Variants in TRPS1 observed in about 807,000 individuals in gnomAD.
TRPS1 encodes the protein transcriptional repressor GATA binding 1.
In TRPS1, 6 loss-of-function variants were observed where a neutral mutation model predicts 101.2. The observed-to-expected ratio is 0.06, with a 90% CI of 0.03 to 0.12. TRPS1 has a LOEUF of 0.12. Among genes scored for constraint, TRPS1 ranks in the 10% least tolerant of loss-of-function variants. The pLI is 1.00. For synonymous variants in TRPS1, 578 were observed against 589.8 expected (o/e 0.98, Z 0.29); for missense variants, 1,363 against 1,567.0 (o/e 0.87, Z 2.20).
intron 5 of TRPS1, among the ~76,000 whole-genome samples, chr8:115,475,013 G>A (rs972185495): frequency 1.3e-5 from 2 of 151,894 alleles, no homozygotes; most frequent in Non-Finnish European, 2.9e-5. Context: ...AATATGGAAA[G>A]CTAAGGATGA....
At chr8:115,426,258 A>C (rs1813183960) in intron 5 of TRPS1, among the ~76,000 whole-genome samples, 1 of 152,172 alleles carries the variant, frequency 6.6e-6, no homozygotes, top group Non-Finnish European at 1.5e-5. Context: ...CTTCAGTGTG[A>C]CAGCACAAGA....
At chr8:115,529,341 G>T (rs144575008) in intron 5 of TRPS1, among the ~76,000 whole-genome samples, 1 of 152,092 alleles carries the variant, frequency 6.6e-6, no homozygotes, top group Non-Finnish European at 1.5e-5. Flanking sequence ...TGAAGAAGCC[G>T]ATCTGAGTCA....
intron 4 of TRPS1, among the ~76,000 whole-genome samples, chr8:115,591,729 A>C (rs1257223363): frequency 1.3e-5 from 2 of 152,216 alleles, no homozygotes; most frequent in Non-Finnish European, 2.9e-5. Flanking sequence ...CAGAAAGTGC[A>C]GGGGTAAGTT....
chr8:115,451,781 T>C (rs1409056472), intron 5 of TRPS1, among the ~76,000 whole-genome samples: 1 of 152,188 alleles, frequency 6.6e-6, no homozygotes, highest in African/African-American at 2.4e-5. Flanking sequence ...GTATAGGCAA[T>C]GAGCCTCATG....
intron 5 of TRPS1, chr8:115,492,230 C>G (rs1383442693): frequency 2.2e-6 from 1 of 456,140 alleles, no homozygotes; most frequent in Admixed American, 2.3e-5. Context: ...TGGTTGGAAG[C>G]TTTGCTAAAC....
At chr8:115,535,126 A>G (rs62513028) in intron 5 of TRPS1, among the ~76,000 whole-genome samples, 1 of 147,990 alleles carries the variant, frequency 6.8e-6, no homozygotes, top group Non-Finnish European at 1.5e-5. Context: ...GCATATGTAT[A>G]GCATATATAT....
chr8:115,452,876 T>A (rs1208774897), intron 5 of TRPS1, among the ~76,000 whole-genome samples: 2 of 152,186 alleles, frequency 1.3e-5, no homozygotes, highest in Non-Finnish European at 2.9e-5. Context: ...AAATGTCGCA[T>A]CACCATTAAT....
At chr8:115,651,805 T>C (rs1458512638) in intron 1 of TRPS1, among the ~76,000 whole-genome samples, 1 of 152,128 alleles carries the variant, frequency 6.6e-6, no homozygotes, top group East Asian at 1.9e-4. Flanking sequence ...GGGAAGAATA[T>C]GAACAAAAGT....
chr8:115,587,701 G>T, intron 4 of TRPS1, 97 bp from the exon 5 acceptor site: 1 of 1,580,072 alleles, frequency 6.3e-7, no homozygotes, highest in Non-Finnish European at 8.6e-7. Flanking sequence ...ACCTACTCAT[G>T]CAATATAGTA....
At chr8:115,568,515 TG>T (rs1469375157) in intron 5 of TRPS1, among the ~76,000 whole-genome samples, 4 of 152,270 alleles carry the variant, frequency 2.6e-5, no homozygotes, top group Admixed American at 2.6e-4. Flanking sequence ...AAATTAGCAC[TG>T]AATAAATTGT....
chr8:115,608,883 T>C (rs1439147933), intron 3 of TRPS1, among the ~76,000 whole-genome samples: 1 of 147,524 alleles, frequency 6.8e-6, no homozygotes, highest in Non-Finnish European at 1.5e-5. Context: ...TCTCAGTCTG[T>C]CACCCAGGCT....
At chr8:115,510,541 C>T (rs1048994540) in intron 5 of TRPS1, among the ~76,000 whole-genome samples, 2 of 151,922 alleles carry the variant, frequency 1.3e-5, no homozygotes, top group Admixed American at 6.6e-5. Flanking sequence ...AAAAGAACAT[C>T]GAACTTCTAA....
rs776009988 is a variant in TRPS1, at chr8:115,597,615, A to G, written c.2096+6258T>C. On this transcript the variant is annotated intron_variant, in intron 4 of 6. Coordinates refer to ENST00000395715, the MANE Select transcript of TRPS1 (RefSeq NM_014112.5). ...TGTTGCTCAAATCTTTTCAATTTTG[A>G]AAAATTTTTTGTGCTTAACTTTTAA... Among the ~76,000 whole-genome samples, 34 of 152,058 alleles carry G rather than the reference A, an allele frequency of 2.2e-4. 1 individual carries two copies. The highest frequency in any genetic ancestry group is 4.4e-5 in the Non-Finnish European group (3 of 67,944).
chr8:115,486,767 C>G (rs1182955238), intron 5 of TRPS1, among the ~76,000 whole-genome samples: 1 of 152,160 alleles, frequency 6.6e-6, no homozygotes, highest in Non-Finnish European at 1.5e-5. Flanking sequence ...GGTGAGGAAG[C>G]TGCAGAAGAA....
chr8:115,458,451 C>T (rs180876750), intron 5 of TRPS1, among the ~76,000 whole-genome samples: 4 of 152,184 alleles, frequency 2.6e-5, no homozygotes, highest in Non-Finnish European at 2.9e-5. Flanking sequence ...CCAGGTCCTG[C>T]GAGCAGCTGT....
chr8:115,532,580 G>C (rs1482655180), intron 5 of TRPS1, among the ~76,000 whole-genome samples: 1 of 152,122 alleles, frequency 6.6e-6, no homozygotes, highest in African/African-American at 2.4e-5. Context: ...CTAATAGTAG[G>C]CCCAATGAGA....
At chr8:115,609,553 C>G (rs571649971) in intron 3 of TRPS1, among the ~76,000 whole-genome samples, 3 of 152,238 alleles carry the variant, frequency 2.0e-5, no homozygotes, top group Admixed American at 6.5e-5. Flanking sequence ...GATTCGCTGG[C>G]CACAGTACTT....
chr8:115,586,896 A>G (rs1217842792), intron 5 of TRPS1, 105 bp downstream of exon 5: 2 of 1,588,382 alleles, frequency 1.3e-6, no homozygotes, highest in Admixed American at 3.3e-5. Flanking sequence ...GAGACAGATC[A>G]TTAAGTTTCA....
rs778929983 is a variant in TRPS1, at chr8:115,562,509, G to GA, written c.2700+24491dup. 8.4e-3 allele frequency among the ~76,000 whole-genome samples: 986 copies of GA among 117,056 alleles called. 3 individuals are homozygous for GA. The highest frequency in any genetic ancestry group is 0.011 in the Admixed American group (132 of 11,606). 76.8% of individuals were successfully genotyped at this position (117,056 alleles called of 152,430 possible). On this transcript the variant is annotated intron_variant, in intron 5 of 6. Coordinates refer to ENST00000395715, the MANE Select transcript of TRPS1 (RefSeq NM_014112.5). ...AACAGTTGGTCAGTGTGATTGCCAGGAAAAAAAAAAAAAAAGCTTAAACAA... is the reference window on the plus strand; with the variant it reads ...AACAGTTGGTCAGTGTGATTGCCAGGAAAAAAAAAAAAAAAAGCTTAAACAA...
Sources: gnomAD v4.1 joint callset for allele counts (sites outside exome capture counted in the v4.1 genomes callset) on GRCh38, gnomAD v4.1.1 for gene constraint, MANE v1.5 for transcripts, NCBI Gene and HGNC (gene_info 2026-07-23, HGNC 2026-07-21) for gene names.